ESRRG: variants seen among roughly 807,000 people sequenced by gnomAD.
ESRRG encodes the protein estrogen related receptor gamma.
In ESRRG, 13 loss-of-function variants were observed where a neutral mutation model predicts 44.0. The observed-to-expected ratio is 0.30, with a 90% CI of 0.19 to 0.47. The LOEUF is 0.47. Among genes scored for constraint, ESRRG ranks in the 20% least tolerant of loss-of-function variants. The pLI is 1.00. For missense variants in ESRRG, 395 were observed against 580.6 expected (o/e 0.68, Z 3.29); for synonymous variants, 215 against 214.6 (o/e 1.00, Z -0.02).
chr1:217,053,737 A>C (rs1357687295), intron 1 of ESRRG, among the ~76,000 whole-genome samples: 1 of 152,160 alleles, frequency 6.6e-6, no homozygotes, highest in East Asian at 1.9e-4. Flanking sequence ...CTGATAGTGC[A>C]GAAGAAGAGT....
At chr1:216,771,409 A>G (rs2093373244) in intron 2 of ESRRG, among the ~76,000 whole-genome samples, 1 of 152,170 alleles carries the variant, frequency 6.6e-6, no homozygotes, top group South Asian at 2.1e-4. Context: ...ATGTACAGTT[A>G]TCTAATAAGT....
chr1:216,651,845 T>C (rs1327844421), intron 2 of ESRRG, among the ~76,000 whole-genome samples: 2 of 152,216 alleles, frequency 1.3e-5, no homozygotes, highest in Non-Finnish European at 2.9e-5. Flanking sequence ...GTATCATTTA[T>C]GGTAGTACCT....
intron 1 of ESRRG, chr1:216,714,599 C>A (rs2084395937): frequency 1.0e-6 from 1 of 969,800 alleles, no homozygotes; most frequent in African/African-American, 1.8e-5. Flanking sequence ...ATCATTAAAA[C>A]CCTCATAAAT....
chr1:216,520,984 C>G (rs1333133324), intron 5 of ESRRG, among the ~76,000 whole-genome samples: 1 of 152,074 alleles, frequency 6.6e-6, no homozygotes, highest in East Asian at 1.9e-4. Context: ...AGTGGTTTGC[C>G]ATTTGGTACC....
intron 3 of ESRRG, among the ~76,000 whole-genome samples, chr1:216,615,698 C>T (rs1472448292): frequency 6.6e-6 from 1 of 151,668 alleles, no homozygotes. Context: ...AGAAGAAATA[C>T]TGTCCATAAG....
rs1046014390 is a variant in ESRRG at position 216,554,151 on chromosome 1, G to A, written c.862+10068C>T. ...CTAGTGCTGTGGACACACTTGGTAC[G>A]GTGTTAAGATACATCATTTGAGGCT... On this transcript the variant is annotated intron_variant, in intron 5 of 6. Coordinates refer to ENST00000408911, the MANE Select transcript of ESRRG (RefSeq NM_001438.4). Among the ~76,000 whole-genome samples, 9 of 152,052 alleles carry A rather than the reference G, an allele frequency of 5.9e-5. No homozygotes were observed. In the South Asian group the frequency reaches 1.7e-3, roughly 28 times the overall value.
At chr1:216,910,241 TACACAC>T (rs113961991) in intron 2 of ESRRG, among the ~76,000 whole-genome samples, 1 of 148,862 alleles carries the variant, frequency 6.7e-6, no homozygotes, top group East Asian at 2.0e-4. Flanking sequence ...CAGGCACACA[TACACAC>T]ACACACACAC....
At chr1:216,882,949 C>G (rs2096467002) in intron 2 of ESRRG, among the ~76,000 whole-genome samples, 1 of 151,076 alleles carries the variant, frequency 6.6e-6, no homozygotes, top group African/African-American at 2.4e-5. Flanking sequence ...AAAAAAAATG[C>G]TCTCTAAAAG....
At chr1:217,023,454 C>T (rs544606217) in intron 1 of ESRRG, among the ~76,000 whole-genome samples, 55 of 152,126 alleles carry the variant, frequency 3.6e-4, no homozygotes, top group Non-Finnish European at 6.6e-4. Flanking sequence ...TGATGTGCCA[C>T]GAAGCCAATT....
chr1:216,927,214 G>C (rs552213170), intron 2 of ESRRG, among the ~76,000 whole-genome samples: 1 of 152,050 alleles, frequency 6.6e-6, no homozygotes, highest in Non-Finnish European at 1.5e-5. Flanking sequence ...CTCTTCAAAG[G>C]CTCGATTTTT....
intron 2 of ESRRG, among the ~76,000 whole-genome samples, chr1:216,758,573 C>G (rs1285039451): frequency 6.6e-6 from 1 of 151,722 alleles, no homozygotes; most frequent in Non-Finnish European, 1.5e-5. Context: ...TTTTTTAAAG[C>G]GACTCAAAGT....
At chr1:217,050,283 G>T (rs941543187) in intron 1 of ESRRG, among the ~76,000 whole-genome samples, 1 of 152,082 alleles carries the variant, frequency 6.6e-6, no homozygotes, top group Non-Finnish European at 1.5e-5. Context: ...AAAATGAGAC[G>T]CAGTCCAACA....
chr1:216,759,686 G>C (rs112911774), intron 2 of ESRRG, among the ~76,000 whole-genome samples: 3,085 of 152,158 alleles, frequency 0.02, 53 homozygotes, highest in Non-Finnish European at 0.031. Flanking sequence ...CAAGCACTAG[G>C]TAGGCACCAG....
At position 216,835,998 on chromosome 1, in the gene ESRRG, C is replaced by T. The variant is rs965988548; in HGVS notation, c.-14+103584G>A. On this transcript the variant is annotated intron_variant, in intron 2 of 7. Coordinates refer to the ESRRG transcript ENST00000359162. ...AGCAGAGTTTAAGAAAAAGTACCTG[C>T]TTAATTATGTGTTTACCTCTCAATC... 1.0e-4 allele frequency among the ~76,000 whole-genome samples: 15 copies of T among 149,964 alleles called. No individual in the cohort carries two copies. In the Admixed American group the frequency reaches 1.0e-3, roughly 10 times the overall value.
At chr1:217,113,593 T>C (rs2092684968) in intron 1 of ESRRG, among the ~76,000 whole-genome samples, 1 of 110,492 alleles carries the variant, frequency 9.1e-6, no homozygotes, top group African/African-American at 2.6e-5. Context: ...TTTGGGGGCT[T>C]GGGAGGGACC....
chr1:216,850,934 A>C (rs2095833472), intron 2 of ESRRG, among the ~76,000 whole-genome samples: 1 of 151,496 alleles, frequency 6.6e-6, no homozygotes, highest in Admixed American at 6.6e-5. Context: ...AAGTGCTGAT[A>C]AATGTTTTAT....
chr1:216,896,375 G>A lies in ESRRG; in HGVS notation c.-14+43207C>T, dbSNP rs748776869. The stretch of plus-strand genomic sequence containing the variant: ...AACCCACTGCTAAATGCAAACCTGG[G>A]AAACAACAGCACTCAGGTAATCCCC... On this transcript the variant is annotated intron_variant, in intron 2 of 7. Transcript: ENST00000359162. 4.9e-4 allele frequency among the ~76,000 whole-genome samples: 74 copies of A among 152,110 alleles called. 1 individual carries two copies. Among genetic ancestry groups the A allele is most frequent in the Non-Finnish European group, 1.8e-4 (12 of 68,020 alleles).
intron 2 of ESRRG, among the ~76,000 whole-genome samples, chr1:216,787,869 G>T (rs2094183967): frequency 6.6e-6 from 1 of 151,902 alleles, no homozygotes; most frequent in Admixed American, 6.6e-5. Flanking sequence ...CAGCCTTATT[G>T]CTCACATGGA....
intron 2 of ESRRG, among the ~76,000 whole-genome samples, chr1:216,780,238 A>C (rs2093879940): frequency 6.6e-5 from 10 of 151,976 alleles, no homozygotes; most frequent in Admixed American, 6.6e-4. Flanking sequence ...CAAGCTTAAC[A>C]AATGTAATTT....
Sources: gnomAD v4.1 joint callset for allele counts (sites outside exome capture counted in the v4.1 genomes callset) on GRCh38, gnomAD v4.1.1 for gene constraint, MANE v1.5 for transcripts, NCBI Gene and HGNC (gene_info 2026-07-23, HGNC 2026-07-21) for gene names.